BEND7: variants seen among roughly 807,000 people sequenced by gnomAD.
The protein encoded by BEND7 is BEN domain-containing protein 7.
A neutral mutation model predicts 50.9 loss-of-function variants in BEND7; 28 were observed. The ratio of observed to expected loss-of-function variants is 0.55; its 90% CI spans 0.41 to 0.75. The LOEUF (loss-of-function observed/expected upper bound fraction) is 0.75. Ranked by LOEUF, BEND7 falls within the 30% of genes least tolerant of loss-of-function variation. The pLI, the probability that BEND7 is intolerant of heterozygous loss-of-function variation, is 0.00. For missense variants in BEND7, 477 were observed against 491.3 expected (o/e 0.97, Z 0.28); for synonymous variants, 170 against 183.9 (o/e 0.92, Z 0.61).
At chr10:13,486,636 A>G (rs1232429679) in intron 5 of BEND7, among the ~76,000 whole-genome samples, 4 of 152,250 alleles carry the variant, frequency 2.6e-5, no homozygotes, top group Admixed American at 2.6e-4. Flanking sequence ...ATGGGATAAA[A>G]ATGAAAAGAA....
chr10:13,499,669 A>T, intron 3 of BEND7, 109 bp downstream of exon 3: 1 of 1,266,052 alleles, frequency 7.9e-7, no homozygotes, highest in Non-Finnish European at 1.1e-6. Flanking sequence ...CAGCAAAGGC[A>T]GGTAATTATG....
At chr10:13,514,381 T>C (rs2078503439) in intron 2 of BEND7, among the ~76,000 whole-genome samples, 1 of 152,194 alleles carries the variant, frequency 6.6e-6, no homozygotes, top group Non-Finnish European at 1.5e-5. Context: ...CTTCTTTCTG[T>C]AGAGTGTGCA....
intron 2 of BEND7, among the ~76,000 whole-genome samples, chr10:13,504,555 C>T (rs2077730019): frequency 6.6e-6 from 1 of 152,154 alleles, no homozygotes; most frequent in Admixed American, 6.5e-5. Flanking sequence ...GAAGCATTCA[C>T]TGACTTCTAC....
chr10:13,523,660 C>T lies in BEND7; in HGVS notation c.145+2478G>A, dbSNP rs376632468. On this transcript the variant is annotated intron_variant, in intron 2 of 8. Transcript: ENST00000466271. ...CTACATCTTTATGGACAGGCTTTAG[C>T]AATTTATAAAATAAACATAATTGAA... is the stretch of plus-strand genomic sequence containing the variant. Among the ~76,000 whole-genome samples, 18 of 152,244 alleles carry T rather than the reference C, an allele frequency of 1.2e-4. No individual in the cohort carries two copies. In the East Asian group the frequency reaches 2.1e-3, roughly 18 times the overall value.
At chr10:13,500,963 A>G (rs1029145152) in intron 2 of BEND7, 10 of 411,126 alleles carry the variant, frequency 2.4e-5, no homozygotes, top group African/African-American at 2.2e-4. Context: ...ACCTACACTG[A>G]CTTCTTTTTT....
chr10:13,500,225 AG>A, intron 2 of BEND7, 145 bp from the exon 3 acceptor site: 2 of 770,312 alleles, frequency 2.6e-6, no homozygotes, highest in Non-Finnish European at 4.0e-6. Context: ...TAAAACGCAA[AG>A]GCAGGAAAAC....
chr10:13,480,642 C>G (rs1439886175), intron 6 of BEND7: 1 of 984,426 alleles, frequency 1.0e-6, no homozygotes, highest in African/African-American at 1.8e-5. Flanking sequence ...GAAAAAACTT[C>G]TTTTTGATTC....
intron 2 of BEND7, among the ~76,000 whole-genome samples, chr10:13,503,833 T>C (rs77887490): frequency 1.3e-5 from 2 of 152,046 alleles, no homozygotes; most frequent in African/African-American, 4.8e-5. Context: ...GCAGGGAAGG[T>C]TGAAGAAGGG....
intron 2 of BEND7, chr10:13,500,552 G>A (rs1390482815): frequency 1.0e-6 from 1 of 990,126 alleles, no homozygotes; most frequent in Non-Finnish European, 1.2e-6. Flanking sequence ...AAGGAAGAAA[G>A]CCTGGACTGG....
chr10:13,439,999 T>C (rs542963398), downstream of BEND7, among the ~76,000 whole-genome samples: 48 of 152,204 alleles, frequency 3.2e-4, no homozygotes, highest in Non-Finnish European at 5.7e-4. Context: ...TTCAGTAAAA[T>C]GGTGCAGCTG....
At chr10:13,510,915 C>A (rs1403636483) in intron 2 of BEND7, among the ~76,000 whole-genome samples, 2 of 151,780 alleles carry the variant, frequency 1.3e-5, no homozygotes, top group East Asian at 3.9e-4. Context: ...CAGTGGCTCA[C>A]GCCTATAATC....
chr10:13,501,729 C>T (rs1210269630), intron 2 of BEND7, among the ~76,000 whole-genome samples: 17 of 151,934 alleles, frequency 1.1e-4, no homozygotes, highest in Non-Finnish European at 2.5e-4. Context: ...TGCCTGTGGT[C>T]CCAGCTACTT....
At chr10:13,478,066 T>C (rs757202563) in intron 6 of BEND7, among the ~76,000 whole-genome samples, 24 of 152,154 alleles carry the variant, frequency 1.6e-4, no homozygotes, top group Non-Finnish European at 2.4e-4. Context: ...ACCCTCTTTA[T>C]AGGGGAGAGG....
chr10:13,471,040 C>T (rs1340889358), intron 6 of BEND7, among the ~76,000 whole-genome samples: 1 of 152,200 alleles, frequency 6.6e-6, no homozygotes, highest in Non-Finnish European at 1.5e-5. Flanking sequence ...CATTCAAGGC[C>T]TAGTTCAGAT....
Position 13,474,347 on chromosome 10 carries a change from G to A in BEND7, c.1063+6552C>T, listed in dbSNP as rs78074533. On this transcript the variant is annotated intron_variant, in intron 6 of 8. Coordinates refer to ENST00000466271, the MANE Select transcript of BEND7 (RefSeq NM_001369863.1). ...GCTGTTAAATTTGGGGTCGATATCCGTCATGACTGTTAGATTTGGGGTCGA... is the reference window on the plus strand; with the variant it reads ...GCTGTTAAATTTGGGGTCGATATCCATCATGACTGTTAGATTTGGGGTCGA... Among the ~76,000 whole-genome samples the A allele has an allele frequency of 6.8e-4, 102 of 150,366 alleles. 2 individuals carry two copies. The South Asian group carries it at 0.012, about 17-fold the overall frequency.
At chr10:13,464,848 C>G (rs1288851597) in intron 6 of BEND7, among the ~76,000 whole-genome samples, 1 of 152,252 alleles carries the variant, frequency 6.6e-6, no homozygotes, top group Non-Finnish European at 1.5e-5. Context: ...TACACACACA[C>G]TCTTTTGGGA....
At chr10:13,452,154 C>CT (rs908093311) in intron 7 of BEND7, among the ~76,000 whole-genome samples, 4 of 152,194 alleles carry the variant, frequency 2.6e-5, no homozygotes, top group East Asian at 1.9e-4. Flanking sequence ...CTTCTTTCTT[C>CT]TTTTTTTTCT....
Position 13,492,599 on chromosome 10 carries a change from A to G in BEND7, c.837+12T>C, listed in dbSNP as rs200766324. 1.8e-5 allele frequency: 29 copies of G among 1,613,036 alleles called. No individual in the cohort carries two copies. The highest frequency in any genetic ancestry group is 1.6e-4 in the African/African-American group (12 of 74,964). Reference sequence around the variant, plus strand: ...TAGCATTAGAGTCAGCAGCCAGAAAATGGCAACTTACATCTGAGGAAGGTG... The same window carrying G: ...TAGCATTAGAGTCAGCAGCCAGAAAGTGGCAACTTACATCTGAGGAAGGTG... On this transcript the variant is annotated intron_variant, in intron 5 of 8. Transcript: ENST00000466271.
At chr10:13,447,118 G>A (rs1286413243) in intron 8 of BEND7, 148 bp downstream of exon 8, 2 of 773,636 alleles carry the variant, frequency 2.6e-6, no homozygotes, top group East Asian at 5.2e-5. Flanking sequence ...ACGGGGCCTT[G>A]AGAAGCTCCA....
Sources: gnomAD v4.1 joint callset for allele counts (sites outside exome capture counted in the v4.1 genomes callset) on GRCh38, gnomAD v4.1.1 for gene constraint, MANE v1.5 for transcripts, NCBI Gene and HGNC (gene_info 2026-07-23, HGNC 2026-07-21) for gene names.